The following GRK3 variants were observed in gnomAD, a reference collection of about 807,000 sequenced individuals.
GRK3 encodes adrenergic, beta, receptor kinase 2.
A neutral mutation model predicts 95.7 loss-of-function variants in GRK3; 54 were observed. That is an observed-to-expected ratio of 0.56 (90% confidence interval 0.45 to 0.71). The LOEUF (loss-of-function observed/expected upper bound fraction) is 0.71, where lower values mean the gene tolerates loss of function less well. Ranked by LOEUF, GRK3 falls within the 30% of genes least tolerant of loss-of-function variation. The pLI is 0.00. For missense variants in GRK3, 649 were observed against 851.2 expected (o/e 0.76, Z 2.96); for synonymous variants, 281 against 290.8 (o/e 0.97, Z 0.34).
chr22:25,690,373 G>T (rs2146438177), intron 12 of GRK3, 90 bp downstream of exon 12: 4 of 928,098 alleles, frequency 4.3e-6, no homozygotes, highest in Non-Finnish European at 6.9e-6. Flanking sequence ...TCTTACCAGT[G>T]GTGATTTTCA....
chr22:25,678,713 C>A, intron 8 of GRK3, 103 bp from the exon 9 acceptor site: 1 of 575,772 alleles, frequency 1.7e-6, no homozygotes, highest in Non-Finnish European at 3.0e-6. Context: ...TTCTTTTAAA[C>A]ATGGCCTAAA....
chr22:25,682,257 C>A (rs1479323197), intron 9 of GRK3, among the ~76,000 whole-genome samples: 1 of 152,090 alleles, frequency 6.6e-6, no homozygotes, highest in East Asian at 1.9e-4. Flanking sequence ...GAGTGCAATG[C>A]GGGCTGGAGC....
intron 3 of GRK3, among the ~76,000 whole-genome samples, chr22:25,646,559 A>G (rs1319466152): frequency 6.6e-6 from 1 of 152,220 alleles, no homozygotes; most frequent in East Asian, 1.9e-4. Context: ...CAGAATGAAT[A>G]CATATGAAAC....
At chr22:25,585,142 A>G (rs1198754375) in intron 1 of GRK3, among the ~76,000 whole-genome samples, 1 of 152,270 alleles carries the variant, frequency 6.6e-6, no homozygotes, top group East Asian at 1.9e-4. Flanking sequence ...CTGCCTCGCT[A>G]TAGGGCCTTC....
chr22:25,714,837 C>T (rs534535093), intron 18 of GRK3, among the ~76,000 whole-genome samples: 181 of 152,138 alleles, frequency 1.2e-3, no homozygotes, highest in Non-Finnish European at 2.0e-3. Flanking sequence ...CTGGTTTGGA[C>T]GTTTTTTCCT....
rs2085489541 is a variant in GRK3 at position 25,728,202 on chromosome 22, T to C, written c.*5752T>C. The C allele has an allele frequency of 6.6e-6, 1 of 152,214 alleles. No homozygotes were observed. Among genetic ancestry groups the C allele is most frequent in the Admixed American group, 6.5e-5 (1 of 15,270 alleles). The allele number at this position is 152,214 out of a possible 1,614,324, so 9.4% of individuals were successfully genotyped here. ...TGGCCGACATCTCTTCTCACCACCATGGACTGTTTTCAACAACAGTTGATC... is the reference window on the plus strand; with the variant it reads ...TGGCCGACATCTCTTCTCACCACCACGGACTGTTTTCAACAACAGTTGATC... On this transcript the variant is annotated 3_prime_UTR_variant, in exon 21 of 21. Transcript: ENST00000324198.
At chr22:25,638,448 T>C (rs2084719407) in intron 2 of GRK3, among the ~76,000 whole-genome samples, 1 of 152,186 alleles carries the variant, frequency 6.6e-6, no homozygotes, top group African/African-American at 2.4e-5. Context: ...GTCACATGGT[T>C]GTAGCTGGTA....
rs376819158 is a variant in GRK3 at position 25,692,762 on chromosome 22, T to C, written c.1053-2345T>C. ...CTTGAACCAGGTCACATGGCTGGTA[T>C]GCCATGGGGCTAGAATTATAATCCA... is the stretch of plus-strand genomic sequence containing the variant. On this transcript the variant is annotated intron_variant, in intron 12 of 20. Transcript: ENST00000324198. 2.0e-5 allele frequency among the ~76,000 whole-genome samples: 3 copies of C among 152,268 alleles called. No homozygotes were observed. The East Asian group carries it at 5.8e-4, about 29-fold the overall frequency.
At chr22:25,583,730 A>C (rs1193401821) in intron 1 of GRK3, among the ~76,000 whole-genome samples, 1 of 152,178 alleles carries the variant, frequency 6.6e-6, no homozygotes, top group Non-Finnish European at 1.5e-5. Flanking sequence ...TTTTCCTCCC[A>C]ATGAGTCTAT....
chr22:25,722,580 T>C lies in GRK3; in HGVS notation c.*130T>C, dbSNP rs2085442045. On this transcript the variant is annotated 3_prime_UTR_variant, in exon 21 of 21. Transcript: ENST00000324198. ...AGGCTCCCGAGAGGAGTCGGGACCC[T>C]TCGGCTTGGGGTCAGCTCAGCTCCC... The C allele has an allele frequency of 1.1e-6, 1 of 927,980 alleles. No individual in the cohort carries two copies. Among genetic ancestry groups the C allele is most frequent in the East Asian group, 2.7e-5 (1 of 37,624 alleles). The allele number at this position is 927,980 out of a possible 1,614,324, so 57.5% of individuals were successfully genotyped here.
At chr22:25,680,949 G>GTT (rs200567822) in intron 9 of GRK3, among the ~76,000 whole-genome samples, 2,302 of 139,498 alleles carry the variant, frequency 0.017, 32 homozygotes, top group Middle Eastern at 0.067. Flanking sequence ...TTACTGGAAG[G>GTT]TTTTTTTTTT....
In GRK3 at chr22:25,574,564, G is replaced by T. The variant is rs142472592; in HGVS notation, c.113+9411G>T. 7.2e-5 allele frequency among the ~76,000 whole-genome samples: 11 copies of T among 152,304 alleles called. No homozygotes were observed. In the East Asian group the frequency reaches 2.1e-3, roughly 29 times the overall value. ...ATTTACACAGCTGTTAAATATTGCA[G>T]ACTTTCATTTTCCTTTGTGAATGTC... On this transcript the variant is annotated intron_variant, in intron 1 of 20. Transcript: ENST00000324198.
At chr22:25,613,559 G>A (rs2146349409) in intron 2 of GRK3, among the ~76,000 whole-genome samples, 1 of 148,794 alleles carries the variant, frequency 6.7e-6, no homozygotes, top group East Asian at 2.0e-4. Context: ...AGGCAGTAAC[G>A]GGAGCCTGGG....
intron 3 of GRK3, among the ~76,000 whole-genome samples, chr22:25,660,508 C>G (rs1278691817): frequency 6.6e-6 from 1 of 152,162 alleles, no homozygotes; most frequent in Non-Finnish European, 1.5e-5. Flanking sequence ...GCGTGTGAAC[C>G]TGCTAGCCCT....
intron 3 of GRK3, chr22:25,648,666 A>G (rs765288032): frequency 7.0e-5 from 71 of 1,020,116 alleles, no homozygotes; most frequent in Non-Finnish European, 1.1e-4. Flanking sequence ...GTCAAAAGGA[A>G]GCTTATTCAA....
intron 11 of GRK3, among the ~76,000 whole-genome samples, chr22:25,688,046 C>T (rs768878660): frequency 5.3e-5 from 8 of 152,100 alleles, no homozygotes; most frequent in Middle Eastern, 3.2e-3. Flanking sequence ...GCCATCCTGG[C>T]TAACACAGTG....
chr22:25,702,088 TC>T (rs982983536), intron 13 of GRK3, among the ~76,000 whole-genome samples: 4 of 151,022 alleles, frequency 2.6e-5, no homozygotes, highest in Admixed American at 1.3e-4. Context: ...CTTGTTTTGA[TC>T]TTTTTTTTTT....
chr22:25,710,287 A>T lies in GRK3; in HGVS notation c.1395+323A>T, dbSNP rs148779176. Among the ~76,000 whole-genome samples, 155 of 152,320 alleles carry T rather than the reference A, an allele frequency of 1.0e-3. 1 individual carries two copies. In the Middle Eastern group the frequency reaches 0.024, roughly 23 times the overall value. On this transcript the variant is annotated intron_variant, in intron 16 of 20. Transcript: ENST00000324198. ...GTTAATTCAAATGCACATATAATTG[A>T]GCCTTTTTTAGTTTTTGCTCTTCTT... is the stretch of plus-strand genomic sequence containing the variant.
At chr22:25,656,482 C>CT (rs1352220607) in intron 3 of GRK3, among the ~76,000 whole-genome samples, 1 of 151,102 alleles carries the variant, frequency 6.6e-6, no homozygotes. Flanking sequence ...CACCCAGATA[C>CT]TTTTTTTTTA....
Sources: gnomAD v4.1 joint callset for allele counts (sites outside exome capture counted in the v4.1 genomes callset) on GRCh38, gnomAD v4.1.1 for gene constraint, MANE v1.5 for transcripts, NCBI Gene and HGNC (gene_info 2026-07-23, HGNC 2026-07-21) for gene names.